Variants in PARVA observed in about 807,000 individuals in gnomAD.
PARVA encodes parvin alpha.
A neutral mutation model predicts 52.6 loss-of-function variants in PARVA; 25 were observed. That is an observed-to-expected ratio of 0.48 (90% CI 0.35 to 0.66). The LOEUF is 0.66. Among genes scored for constraint, PARVA ranks in the 30% least tolerant of loss-of-function variants. PARVA has a pLI of 0.01. For missense variants in PARVA, 373 were observed against 450.9 expected (o/e 0.83, Z 1.56); for synonymous variants, 185 against 179.1 (o/e 1.03, Z -0.26).
intron 4 of PARVA, among the ~76,000 whole-genome samples, chr11:12,489,967 A>C (rs1298772789): frequency 6.6e-6 from 1 of 152,142 alleles, no homozygotes; most frequent in Non-Finnish European, 1.5e-5. Flanking sequence ...CTATAATCCC[A>C]GCATTTTGGG....
At chr11:12,406,765 G>A (rs1028880554) in intron 1 of PARVA, among the ~76,000 whole-genome samples, 18 of 143,140 alleles carry the variant, frequency 1.3e-4, no homozygotes, top group Non-Finnish European at 2.3e-4. Flanking sequence ...CCGCCTCCCA[G>A]GTTCATACCA....
intron 1 of PARVA, among the ~76,000 whole-genome samples, chr11:12,473,298 G>C (rs544552055): frequency 6.6e-6 from 1 of 152,236 alleles, no homozygotes; most frequent in South Asian, 2.1e-4. Context: ...ACGGTTGAAC[G>C]GAGGATGGAA....
chr11:12,430,576 A>G lies in PARVA; in HGVS notation c.137-43169A>G, dbSNP rs1040292043. 2.0e-5 allele frequency among the ~76,000 whole-genome samples: 3 copies of G among 152,138 alleles called. No individual in the cohort carries two copies. In the East Asian group the frequency reaches 5.8e-4, roughly 29 times the overall value. Reference sequence around the variant, plus strand: ...CCTTTCTTTCCTGAATCTCATACCAAGATGCTGTGGGGGGTTTGACATGGA... The same window carrying G: ...CCTTTCTTTCCTGAATCTCATACCAGGATGCTGTGGGGGGTTTGACATGGA... On this transcript the variant is annotated intron_variant, in intron 1 of 12. Coordinates refer to ENST00000334956, the MANE Select transcript of PARVA (RefSeq NM_018222.5).
At chr11:12,380,106 A>G (rs917500055) in intron 1 of PARVA, among the ~76,000 whole-genome samples, 2 of 152,156 alleles carry the variant, frequency 1.3e-5, no homozygotes, top group Non-Finnish European at 2.9e-5. Flanking sequence ...ACCAGGCCCA[A>G]CATCCTCTAT....
chr11:12,377,636 C>T lies in PARVA; in HGVS notation c.-12C>T. 1 of 1,566,410 alleles carries T rather than the reference C, an allele frequency of 6.4e-7. No homozygotes were observed. The highest frequency in any genetic ancestry group is 8.6e-7 in the Non-Finnish European group (1 of 1,162,012). ...CGCGTCCCGACCGGCCCGCGGCAGC[C>T]TGCGCCGCGCCATGGCCACCTCCCC... is the stretch of plus-strand genomic sequence containing the variant. On this transcript the variant is annotated 5_prime_UTR_variant, in exon 1 of 13. Transcript: ENST00000334956.
chr11:12,443,367 T>C (rs1940497080), intron 1 of PARVA, among the ~76,000 whole-genome samples: 1 of 151,048 alleles, frequency 6.6e-6, no homozygotes, highest in African/African-American at 2.4e-5. Flanking sequence ...AGACGGGGTT[T>C]CACCATGTTG....
At chr11:12,474,556 C>A (rs1940980066) in intron 3 of PARVA, among the ~76,000 whole-genome samples, 1 of 152,122 alleles carries the variant, frequency 6.6e-6, no homozygotes, top group Non-Finnish European at 1.5e-5. Context: ...GCACTTAAGA[C>A]AAAAGGCACT....
chr11:12,435,480 C>T (rs1157731544), intron 1 of PARVA, among the ~76,000 whole-genome samples: 1 of 152,192 alleles, frequency 6.6e-6, no homozygotes, highest in Non-Finnish European at 1.5e-5. Context: ...ATTTCTAAGT[C>T]CCAGGACCGA....
At chr11:12,465,188 C>T (rs73411589) in intron 1 of PARVA, among the ~76,000 whole-genome samples, 1 of 151,808 alleles carries the variant, frequency 6.6e-6, no homozygotes, top group Non-Finnish European at 1.5e-5. Context: ...TGGATTAATC[C>T]ATTAATGGAT....
chr11:12,415,687 T>C (rs1221928911), intron 1 of PARVA, among the ~76,000 whole-genome samples: 2 of 152,210 alleles, frequency 1.3e-5, no homozygotes. Context: ...TTTTGAAATA[T>C]GGTGGTAGTA....
rs1349493619 is a variant in PARVA, at chr11:12,531,219, G to T, written c.*3294G>T. On this transcript the variant is annotated 3_prime_UTR_variant, in exon 13 of 13. Coordinates refer to ENST00000334956, the MANE Select transcript of PARVA (RefSeq NM_018222.5). ...TGCAGGCACAGAGATGACATTTCCCGATCTGGGAGAAGGCTTCTTTATCAG... is the reference window on the plus strand; with the variant it reads ...TGCAGGCACAGAGATGACATTTCCCTATCTGGGAGAAGGCTTCTTTATCAG... 1.3e-5 allele frequency among the ~76,000 whole-genome samples: 2 copies of T among 152,188 alleles called. No homozygotes were observed. Among genetic ancestry groups the T allele is most frequent in the African/African-American group, 4.8e-5 (2 of 41,446 alleles).
At chr11:12,377,064 T>C (rs4757405), upstream of PARVA, 113,747 of 154,778 alleles carry the variant, frequency 0.73, 45,567 homozygotes, top group East Asian at 0.92. Context: ...CGGTCATGGA[T>C]AGGTTCAGGA....
At position 12,530,263 on chromosome 11, in the gene PARVA, T is replaced by A. The variant is rs907910170; in HGVS notation, c.*2338T>A. The A allele has an allele frequency of 2.0e-5, 3 of 152,222 alleles. No individual in the cohort carries two copies. Among genetic ancestry groups the A allele is most frequent in the Admixed American group, 6.5e-5 (1 of 15,288 alleles). 9.4% of individuals were successfully genotyped at this position (152,222 alleles called of 1,614,324 possible). A position where few individuals can be genotyped will look rare whatever the true frequency, so the allele number is the denominator to read the frequency against. On this transcript the variant is annotated 3_prime_UTR_variant, in exon 13 of 13. Coordinates refer to ENST00000334956, the MANE Select transcript of PARVA (RefSeq NM_018222.5). The stretch of plus-strand genomic sequence containing the variant: ...CCAGGTCCTGGGCCTGGTTTTCTAA[T>A]GCTGTCATCTCAGTTCGATATTTTA...
At chr11:12,511,802 C>T (rs1333727437) in intron 8 of PARVA, among the ~76,000 whole-genome samples, 7 of 152,178 alleles carry the variant, frequency 4.6e-5, no homozygotes, top group African/African-American at 9.7e-5. Flanking sequence ...TCACAGTAAA[C>T]ACATGAAGCC....
rs906529957 is a variant in PARVA at position 12,414,815 on chromosome 11, A to G, written c.136+37032A>G. Among the ~76,000 whole-genome samples, 3 of 152,226 alleles carry G rather than the reference A, an allele frequency of 2.0e-5. No homozygotes were observed. The East Asian group carries it at 5.8e-4, about 29-fold the overall frequency. On this transcript the variant is annotated intron_variant, in intron 1 of 12. Transcript: ENST00000334956. Reference sequence around the variant, plus strand: ...GTGGAGCCATCTGCAGGGCTAGGCCAGGAGTTCTGTGGGTTATGGCCAGCC... The same window carrying G: ...GTGGAGCCATCTGCAGGGCTAGGCCGGGAGTTCTGTGGGTTATGGCCAGCC...
chr11:12,534,435 C>T lies in PARVA; in HGVS notation c.*6510C>T, dbSNP rs1345454968. Among the ~76,000 whole-genome samples, 1 of 152,146 alleles carries T rather than the reference C, an allele frequency of 6.6e-6. No individual in the cohort carries two copies. The highest frequency in any genetic ancestry group is 2.4e-5 in the African/African-American group (1 of 41,428). On this transcript the variant is annotated 3_prime_UTR_variant, in exon 13 of 13. Transcript: ENST00000334956. ...ACTCCCCTGAACCCTCCTGAACTTTCTACACACATGTGGGCACTGGCTTTG... is the reference window on the plus strand; with the variant it reads ...ACTCCCCTGAACCCTCCTGAACTTTTTACACACATGTGGGCACTGGCTTTG...
chr11:12,513,643 C>A, intron 9 of PARVA: 1 of 617,284 alleles, frequency 1.6e-6, no homozygotes, highest in Non-Finnish European at 3.0e-6. Context: ...CCCTGTCTCC[C>A]TGGCCTAGGC....
At chr11:12,410,538 G>T (rs1383206946) in intron 1 of PARVA, among the ~76,000 whole-genome samples, 1 of 152,208 alleles carries the variant, frequency 6.6e-6, no homozygotes, top group African/African-American at 2.4e-5. Flanking sequence ...GCTATACGAG[G>T]GCTTTTGCTT....
At chr11:12,450,647 G>A (rs1217671208) in intron 1 of PARVA, among the ~76,000 whole-genome samples, 1 of 152,212 alleles carries the variant, frequency 6.6e-6, no homozygotes, top group African/African-American at 2.4e-5. Flanking sequence ...CTGTCTGCAA[G>A]TTGAGGAGCA....
Sources: gnomAD v4.1 joint callset for allele counts (sites outside exome capture counted in the v4.1 genomes callset) on GRCh38, gnomAD v4.1.1 for gene constraint, MANE v1.5 for transcripts, NCBI Gene and HGNC (gene_info 2026-07-23, HGNC 2026-07-21) for gene names.